Variants in NCOA6 observed in about 807,000 individuals in gnomAD.
NCOA6 encodes the protein NRC RAP250.
A neutral mutation model predicts 171.4 loss-of-function variants in NCOA6; 49 were observed. That is an observed-to-expected ratio of 0.29 (90% CI 0.23 to 0.36). The LOEUF is 0.36. Among genes scored for constraint, NCOA6 ranks in the 10% least tolerant of loss-of-function variants. The probability of loss-of-function intolerance (pLI) is 1.00; values close to 1 mark genes in which losing one functional copy is unlikely to be tolerated. For missense variants in NCOA6, 2,248 were observed against 2,554.5 expected, an observed-to-expected ratio of 0.88 and a Z score of 2.59; for synonymous variants, 910 against 927.5, an observed-to-expected ratio of 0.98 and a Z score of 0.34.
At chr20:34,765,504 T>C (rs773684621) in intron 5 of NCOA6, among the ~76,000 whole-genome samples, 6 of 150,442 alleles carry the variant, frequency 4.0e-5, no homozygotes, top group Non-Finnish European at 7.4e-5. Context: ...TCCCAGAAAA[T>C]TTCAAGTATA....
intron 1 of NCOA6, chr20:34,821,500 T>C (rs1355367903): frequency 6.6e-6 from 1 of 152,148 alleles, no homozygotes; most frequent in East Asian, 1.9e-4. Flanking sequence ...CTTGACAGCT[T>C]TGCAATGGTT....
At chr20:34,765,856 G>GA (rs939268490) in intron 5 of NCOA6, among the ~76,000 whole-genome samples, 2 of 151,756 alleles carry the variant, frequency 1.3e-5, no homozygotes, top group African/African-American at 2.4e-5. Context: ...ATAAGGCTAT[G>GA]AAAAAAAACA....
Position 34,741,999 on chromosome 20 carries a change from C to T in NCOA6, c.4257G>A (p.Leu1419=), listed in dbSNP as rs528225056. The change falls in exon 11 of 15, where the codon TTG becomes TTA. Residue 1419 remains leucine (L), a synonymous_variant. Coordinates refer to ENST00000359003, the MANE Select transcript of NCOA6 (RefSeq NM_014071.5). The part of the protein sequence containing the change: ...GGVVEDNKES[L]NVPQDSDCQN... ...GGCAATCACTGTCCTGAGGCACATT[C>T]AAGCTCTCCTTGTTATCCTCAACAA... The T allele has an allele frequency of 1.9e-6, 3 of 1,614,198 alleles. No homozygotes were observed. In the Admixed American group the frequency reaches 5.0e-5, roughly 27 times the overall value.
At chr20:34,807,916 G>A (rs1316631444) in intron 1 of NCOA6, among the ~76,000 whole-genome samples, 5 of 150,998 alleles carry the variant, frequency 3.3e-5, no homozygotes, top group South Asian at 2.1e-4. Flanking sequence ...TTGGGAGGCC[G>A]AGGAGGGTGG....
At chr20:34,731,767 C>A (rs1379198121) in intron 13 of NCOA6, among the ~76,000 whole-genome samples, 2 of 152,254 alleles carry the variant, frequency 1.3e-5, no homozygotes, top group African/African-American at 4.8e-5. Context: ...TGGTGGCTCA[C>A]ACCTGTAATC....
chr20:34,793,400 T>C (rs1305187058), intron 1 of NCOA6, among the ~76,000 whole-genome samples: 1 of 152,196 alleles, frequency 6.6e-6, no homozygotes, highest in African/African-American at 2.4e-5. Flanking sequence ...ATCCATAATA[T>C]CTATACATTA....
At chr20:34,746,207 G>C (rs1017285007) in intron 10 of NCOA6, among the ~76,000 whole-genome samples, 5 of 151,002 alleles carry the variant, frequency 3.3e-5, no homozygotes, top group Admixed American at 3.3e-4. Context: ...ATGCCAACTA[G>C]AATCTTGACA....
intron 3 of NCOA6, among the ~76,000 whole-genome samples, chr20:34,776,928 C>A (rs935767716): frequency 6.6e-6 from 1 of 152,018 alleles, no homozygotes; most frequent in Non-Finnish European, 1.5e-5. Flanking sequence ...AATAGCCCAG[C>A]CAACATAATG....
chr20:34,796,604 T>C (rs1355593988), intron 1 of NCOA6, among the ~76,000 whole-genome samples: 1 of 152,026 alleles, frequency 6.6e-6, no homozygotes, highest in African/African-American at 2.4e-5. Flanking sequence ...CCTGAGCCTA[T>C]AAGTTCGAGA....
chr20:34,792,301 G>T (rs2077911479), intron 2 of NCOA6, 149 bp downstream of exon 2: 1 of 364,554 alleles, frequency 2.7e-6, no homozygotes, highest in African/African-American at 2.1e-5. Flanking sequence ...AAAAACAGAA[G>T]AATAGCATCT....
Position 34,754,834 on chromosome 20 carries a change from T to C in NCOA6, c.1563A>G (p.Ala521=). 6.2e-7 allele frequency: 1 copy of C among 1,614,194 alleles called. No individual in the cohort carries two copies. Residue 521 remains alanine (A), a synonymous_variant, in exon 8 of 15, where the codon GCA becomes GCG. Coordinates refer to ENST00000359003, the MANE Select transcript of NCOA6 (RefSeq NM_014071.5). Reference sequence around the variant, plus strand: ...GCATAAAGTTCGGATTGGCCTGTCCTGCTGAGAAGCCAGGTGGGAGGCGTT... The same window carrying C: ...GCATAAAGTTCGGATTGGCCTGTCCCGCTGAGAAGCCAGGTGGGAGGCGTT... ...MPKRLPPGFS[A]GQANPNFMQG... is the part of the protein sequence containing the mutation.
chr20:34,818,429 C>T (rs1399924089), intron 1 of NCOA6, among the ~76,000 whole-genome samples: 2 of 152,130 alleles, frequency 1.3e-5, no homozygotes, highest in African/African-American at 4.8e-5. Flanking sequence ...GCCACTACTA[C>T]TATTAATTTT....
intron 4 of NCOA6, 75 bp from the exon 5 acceptor site, chr20:34,768,661 G>A (rs938327227): frequency 2.0e-6 from 3 of 1,526,668 alleles, no homozygotes; most frequent in South Asian, 2.4e-5. Flanking sequence ...AGCTATATAA[G>A]TGCTTTAGTT....
chr20:34,738,961 G>C, intron 11 of NCOA6: 1 of 456,014 alleles, frequency 2.2e-6, no homozygotes, highest in Non-Finnish European at 4.4e-6. Flanking sequence ...CACTTAATTA[G>C]CTGGCCTAGG....
chr20:34,769,619 C>T (rs1332771883), intron 4 of NCOA6, among the ~76,000 whole-genome samples: 1 of 152,156 alleles, frequency 6.6e-6, no homozygotes, highest in Non-Finnish European at 1.5e-5. Context: ...CCACCTCGGC[C>T]TCCCAAAGTG....
intron 1 of NCOA6, among the ~76,000 whole-genome samples, chr20:34,793,674 C>CA (rs201423311): frequency 7.2e-4 from 104 of 145,422 alleles, no homozygotes; most frequent in African/African-American, 1.7e-3. Context: ...AGTTCAAATG[C>CA]AAAAAAAAAT....
At chr20:34,738,813 A>G (rs2076038862) in intron 11 of NCOA6, 5 of 452,528 alleles carry the variant, frequency 1.1e-5, no homozygotes, top group South Asian at 7.8e-5. Context: ...GAACGTATCA[A>G]CTGTAACTGG....
intron 14 of NCOA6, among the ~76,000 whole-genome samples, chr20:34,718,269 CAT>C (rs1381993142): frequency 6.6e-6 from 1 of 152,132 alleles, no homozygotes; most frequent in African/African-American, 2.4e-5. Flanking sequence ...CAATCTGAGA[CAT>C]AGAGCAAACC....
At chr20:34,776,489 AG>A in intron 3 of NCOA6, 41 bp from the exon 4 acceptor site, 1 of 1,601,144 alleles carries the variant, frequency 6.2e-7, no homozygotes, top group Non-Finnish European at 8.6e-7. Context: ...ATAATCTTTT[AG>A]CCACCAGAGG....
Sources: gnomAD v4.1 joint callset for allele counts (sites outside exome capture counted in the v4.1 genomes callset) on GRCh38, gnomAD v4.1.1 for gene constraint, MANE v1.5 for transcripts, NCBI Gene and HGNC (gene_info 2026-07-23, HGNC 2026-07-21) for gene names.